The following ABI3BP variants were observed in gnomAD, a reference collection of about 807,000 sequenced individuals.
ABI3BP encodes target of Nesh-SH3.
A neutral mutation model predicts 268.6 loss-of-function variants in ABI3BP; 216 were observed. The ratio of observed to expected loss-of-function variants is 0.80; its 90% CI spans 0.72 to 0.90. ABI3BP has a LOEUF of 0.90. Ranked by LOEUF, ABI3BP falls within the 40% of genes least tolerant of loss-of-function variation. ABI3BP has a pLI of 0.00. For synonymous variants in ABI3BP, 730 were observed against 730.0 expected (o/e 1.00, Z 0.00); for missense variants, 2,090 against 2,182.4 (o/e 0.96, Z 0.84).
intron 9 of ABI3BP, among the ~76,000 whole-genome samples, chr3:100,868,985 T>C (rs1393320964): frequency 6.6e-6 from 1 of 152,180 alleles, no homozygotes; most frequent in Non-Finnish European, 1.5e-5. Flanking sequence ...TTTTTTTAAA[T>C]GTAAAATTAT....
At chr3:100,825,027 C>T (rs73135562) in intron 35 of ABI3BP, 86 bp from the exon 36 acceptor site, 203,633 of 1,101,602 alleles carry the variant, frequency 0.18, 21,308 homozygotes, top group South Asian at 0.27. Flanking sequence ...GTCAGATCTC[C>T]TATAGTTCCA....
At chr3:100,901,341 T>C (rs1251950229) in intron 3 of ABI3BP, among the ~76,000 whole-genome samples, 1 of 152,202 alleles carries the variant, frequency 6.6e-6, no homozygotes, top group African/African-American at 2.4e-5. Flanking sequence ...GACTGTTCTT[T>C]CTCCCATTTT....
At chr3:100,875,715 C>G (rs2099155441) in intron 7 of ABI3BP, 136 bp from the exon 8 acceptor site, 4 of 649,596 alleles carry the variant, frequency 6.2e-6, no homozygotes, top group African/African-American at 1.8e-5. Flanking sequence ...AGTGGCCTGG[C>G]TATATAGCCA....
chr3:100,841,194 CTTTTTTTTTTTTTTTT>C (rs60261694), intron 21 of ABI3BP, among the ~76,000 whole-genome samples: 28 of 39,630 alleles, frequency 7.1e-4, no homozygotes, highest in South Asian at 1.3e-3. Context: ...CATTAGAACA[CTTTTTTTTTTTTTTTT>C]TTTTTTTTTT....
intron 47 of ABI3BP, 31 bp downstream of exon 47, chr3:100,811,696 TA>T (rs2097864018): frequency 5.9e-6 from 9 of 1,521,760 alleles, no homozygotes; most frequent in Non-Finnish European, 7.9e-6. Context: ...ATGTGTGGAA[TA>T]AATGAATCAA....
rs767540513 is a variant in ABI3BP, at chr3:100,823,528, C to T, written c.2747-14G>A. ...CTGTAGCAGGAACTGACCAAAACAA[C>T]ATGTAAATCAAAGAGATTTTTAAAC... On this transcript the variant is annotated splice_polypyrimidine_tract_variant and intron_variant, in intron 36 of 67. Transcript: ENST00000471714. The T allele has an allele frequency of 8.7e-5, 132 of 1,520,466 alleles. No homozygotes were observed. The Middle Eastern group carries it at 1.7e-3, about 19-fold the overall frequency. 94.2% of individuals were successfully genotyped at this position (1,520,466 alleles called of 1,614,324 possible). A position where few individuals can be genotyped will look rare whatever the true frequency, so the allele number is the denominator to read the frequency against.
At chr3:100,752,095 A>G (rs1219480888) in intron 66 of ABI3BP, among the ~76,000 whole-genome samples, 8 of 151,952 alleles carry the variant, frequency 5.3e-5, no homozygotes, top group Non-Finnish European at 7.4e-5. Context: ...TTCCTTCTCA[A>G]TTTTCTCCTT....
intron 13 of ABI3BP, 42 bp downstream of exon 13, chr3:100,862,796 C>G (rs1157993274): frequency 7.3e-7 from 1 of 1,372,638 alleles, no homozygotes; most frequent in Non-Finnish European, 1.0e-6. Context: ...TAAGCAATCA[C>G]CACCCACAGC....
At chr3:100,911,036 T>G (rs2056228553) in intron 2 of ABI3BP, 2 of 186,446 alleles carry the variant, frequency 1.1e-5, no homozygotes, top group African/African-American at 4.8e-5. Context: ...ATTTCTGGGC[T>G]GCTCATTGTA....
At chr3:100,801,378 T>C (rs940695356) in intron 51 of ABI3BP, among the ~76,000 whole-genome samples, 4 of 144,462 alleles carry the variant, frequency 2.8e-5, no homozygotes, top group African/African-American at 7.8e-5. Flanking sequence ...CAGTGAGCTA[T>C]GATTGCATCA....
chr3:100,752,948 G>T lies in ABI3BP; in HGVS notation c.4961C>A (p.Ala1654Glu), dbSNP rs1348173896. 2 of 1,608,080 alleles carry T rather than the reference G, an allele frequency of 1.2e-6. No individual in the cohort carries two copies. Among genetic ancestry groups the T allele is most frequent in the African/African-American group, 2.7e-5 (2 of 74,628 alleles). The stretch of plus-strand genomic sequence containing the variant: ...TTCAGTCCAGATGGCATCTCTTCCT[G>T]CTACAAAAGGAAAATAGTTTGAGTT... ...ADPRVSEPVS[A>E]GRDAIWTERP... Residue 1654 changes from alanine to glutamate, a missense_variant and splice_region_variant, in exon 66 of 68, where the codon GCA becomes GAA. By Grantham distance (107) the Ala-to-Glu change is moderately radical (BLOSUM62 -1). Transcript: ENST00000471714.
chr3:100,947,212 C>T (rs1265083283), intron 1 of ABI3BP, among the ~76,000 whole-genome samples: 1 of 151,982 alleles, frequency 6.6e-6, no homozygotes, highest in Non-Finnish European at 1.5e-5. Context: ...TGATGGTTTG[C>T]TATTAATGTC....
chr3:100,857,495 G>C (rs1030448469), intron 14 of ABI3BP, among the ~76,000 whole-genome samples: 3 of 152,164 alleles, frequency 2.0e-5, no homozygotes, highest in Non-Finnish European at 4.4e-5. Context: ...AGATCTCACA[G>C]ATTTGTGATC....
chr3:100,910,671 G>A (rs907500106), intron 2 of ABI3BP, among the ~76,000 whole-genome samples: 4 of 151,718 alleles, frequency 2.6e-5, no homozygotes, highest in South Asian at 2.1e-4. Flanking sequence ...CACTGTGCCC[G>A]GCCTCACTTT....
chr3:100,767,306 T>A (rs981593322), intron 62 of ABI3BP, among the ~76,000 whole-genome samples: 1 of 152,170 alleles, frequency 6.6e-6, no homozygotes. Flanking sequence ...CTGAACAATT[T>A]TGTATGACCA....
chr3:100,794,582 A>C (rs181150779), intron 54 of ABI3BP, among the ~76,000 whole-genome samples: 63 of 151,988 alleles, frequency 4.1e-4, no homozygotes, highest in African/African-American at 1.5e-3. Context: ...TTTCTTCCCA[A>C]ATGCAGTTTA....
At chr3:100,956,755 T>C (rs189039032) in intron 1 of ABI3BP, among the ~76,000 whole-genome samples, 2 of 152,256 alleles carry the variant, frequency 1.3e-5, no homozygotes, top group Non-Finnish European at 2.9e-5. Context: ...GGCTTCACTT[T>C]AGAATAAAGC....
intron 62 of ABI3BP, among the ~76,000 whole-genome samples, chr3:100,770,314 A>T (rs1189296923): frequency 6.6e-6 from 1 of 152,180 alleles, no homozygotes; most frequent in East Asian, 1.9e-4. Flanking sequence ...GATCAGGAAT[A>T]GAATTTTTGT....
chr3:100,770,327 T>C (rs1358179350), intron 62 of ABI3BP, among the ~76,000 whole-genome samples: 1 of 152,190 alleles, frequency 6.6e-6, no homozygotes, highest in Admixed American at 6.5e-5. Flanking sequence ...ATTTTTGTTT[T>C]TATTTATCCT....
Sources: gnomAD v4.1 joint callset for allele counts (sites outside exome capture counted in the v4.1 genomes callset) on GRCh38, gnomAD v4.1.1 for gene constraint, MANE v1.5 for transcripts, NCBI Gene and HGNC (gene_info 2026-07-23, HGNC 2026-07-21) for gene names.